The following RIBC2 variants were observed in gnomAD, a reference collection of about 807,000 sequenced individuals.
RIBC2 encodes the protein RIB43A-like with coiled-coils protein 2.
RIBC2 carries 40 observed loss-of-function variants against 44.3 expected under a neutral mutation model. The ratio of observed to expected loss-of-function variants is 0.90; its 90% CI spans 0.70 to 1.18. The LOEUF (loss-of-function observed/expected upper bound fraction) is 1.18. Among genes scored for constraint, RIBC2 ranks in the 50% most tolerant of loss-of-function variants. The probability of loss-of-function intolerance (pLI) is 0.00; values close to 1 mark genes in which losing one functional copy is unlikely to be tolerated. For synonymous variants in RIBC2, 171 were observed against 175.0 expected (o/e 0.98, Z 0.18); for missense variants, 459 against 485.5 (o/e 0.95, Z 0.51).
At position 45,432,397 on chromosome 22, in the gene RIBC2, T is replaced by G. The variant is rs1390462437; in HGVS notation, c.*35T>G. ...CACCCTTGTTCCCGTCATTCACGTA[T>G]AAAGAGTGGCTACCTTAAAGAGTCA... On this transcript the variant is annotated 3_prime_UTR_variant, in exon 7 of 7. Coordinates refer to ENST00000614167, the MANE Select transcript of RIBC2 (RefSeq NM_015653.5). 1.5e-6 allele frequency: 2 copies of G among 1,375,266 alleles called. No homozygotes were observed. Among genetic ancestry groups the G allele is most frequent in the South Asian group, 2.5e-5 (2 of 81,276 alleles). 85.2% of individuals were successfully genotyped at this position (1,375,266 alleles called of 1,614,324 possible).
chr22:45,417,357 T>G (rs2087434793), intron 2 of RIBC2, among the ~76,000 whole-genome samples: 1 of 152,160 alleles, frequency 6.6e-6, no homozygotes, highest in African/African-American at 2.4e-5. Context: ...AGGGTTGTAT[T>G]ACTTTTGCAA....
rs1344436328 is a variant in RIBC2, at chr22:45,417,904, C to A, written c.514C>A (p.Gln172Lys). 3.1e-6 allele frequency: 5 copies of A among 1,612,318 alleles called. No individual in the cohort carries two copies. Among genetic ancestry groups the A allele is most frequent in the African/African-American group, 1.3e-5 (1 of 74,784 alleles). ...AAACAGAGAATGGTCTTTGCAGCAG[C>A]AAAGGGAATGGAAGAACGCCCGTGC... The part of the protein sequence containing the change: ...EQNREWSLQQ[Q>K]REWKNARAEQ... Residue 172 changes from glutamine (Q) to lysine (K), a missense_variant, in exon 3 of 7, where the codon CAA becomes AAA. Transcript: ENST00000614167.
Position 45,417,896 on chromosome 22 carries a change from T to C in RIBC2, c.506T>C (p.Leu169Ser). ...FQEEQNREWS[L>S]QQQREWKNAR... The stretch of plus-strand genomic sequence containing the variant: ...GAGGAACAAAACAGAGAATGGTCTT[T>C]GCAGCAGCAAAGGGAATGGAAGAAC... Residue 169 changes from leucine to serine, a missense_variant, in exon 3 of 7, where the codon TTG (leucine) becomes TCG (serine). Physicochemically the swap from Leu to Ser is moderately radical, Grantham distance 145. Coordinates refer to ENST00000614167, the MANE Select transcript of RIBC2 (RefSeq NM_015653.5). 6.2e-7 allele frequency: 1 copy of C among 1,613,498 alleles called. No homozygotes were observed.
chr22:45,421,572 T>C, intron 3 of RIBC2, among the ~76,000 whole-genome samples: 1 of 132,414 alleles, frequency 7.6e-6, no homozygotes, highest in South Asian at 2.4e-4. Flanking sequence ...TTATTAATAA[T>C]AGTATTATTA....
chr22:45,425,598 C>G (rs1427294258), intron 4 of RIBC2, among the ~76,000 whole-genome samples: 2 of 152,206 alleles, frequency 1.3e-5, no homozygotes, highest in Admixed American at 6.5e-5. Context: ...CAAGGGTTGC[C>G]AGGGGCATAG....
chr22:45,421,574 GTATTATTAATAATAATAA>G (rs2087484048), intron 3 of RIBC2, among the ~76,000 whole-genome samples: 4 of 68,600 alleles, frequency 5.8e-5, no homozygotes, highest in Middle Eastern at 7.6e-3. Context: ...ATTAATAATA[GTATTATTAATAATAATAA>G]TAGTATTATT....
intron 4 of RIBC2, among the ~76,000 whole-genome samples, chr22:45,423,983 A>G (rs976395559): frequency 3.9e-5 from 6 of 152,202 alleles, no homozygotes. Flanking sequence ...AATTCAACCA[A>G]TGTTTATTGA....
intron 5 of RIBC2, 53 bp from the exon 6 acceptor site, chr22:45,430,847 G>C: frequency 6.7e-7 from 1 of 1,485,210 alleles, no homozygotes; most frequent in Non-Finnish European, 9.0e-7. Context: ...TAATCCCCTG[G>C]GGTTCTTTGG....
chr22:45,415,014 C>A (rs907991402), intron 2 of RIBC2, among the ~76,000 whole-genome samples: 5 of 151,994 alleles, frequency 3.3e-5, no homozygotes, highest in African/African-American at 1.2e-4. Flanking sequence ...ACCTTGAATA[C>A]TGTTATTCAA....
At chr22:45,431,437 C>T (rs2087579692) in intron 6 of RIBC2, among the ~76,000 whole-genome samples, 1 of 152,184 alleles carries the variant, frequency 6.6e-6, no homozygotes, top group East Asian at 1.9e-4. Context: ...CCCAGAAAAG[C>T]CTGGAGTCTC....
intron 5 of RIBC2, among the ~76,000 whole-genome samples, chr22:45,429,618 C>T (rs759735623): frequency 2.0e-5 from 3 of 152,030 alleles, no homozygotes; most frequent in Admixed American, 6.5e-5. Context: ...GCAGTGGGGC[C>T]GGGACCTGGG....
intron 5 of RIBC2, among the ~76,000 whole-genome samples, chr22:45,428,832 T>C (rs2087555059): frequency 6.6e-6 from 1 of 152,010 alleles, no homozygotes; most frequent in African/African-American, 2.4e-5. Context: ...GGTCACCCCA[T>C]AGGTCTGGGT....
At chr22:45,417,446 A>T (rs906122600) in intron 2 of RIBC2, among the ~76,000 whole-genome samples, 156 bp from the exon 3 acceptor site, 2 of 152,244 alleles carry the variant, frequency 1.3e-5, no homozygotes, top group African/African-American at 4.8e-5. Context: ...GTGACTCAGG[A>T]GGCTGAGGCA....
intron 6 of RIBC2, among the ~76,000 whole-genome samples, chr22:45,431,943 AC>A (rs2087584022): frequency 6.6e-6 from 1 of 152,234 alleles, no homozygotes; most frequent in African/African-American, 2.4e-5. Context: ...ACTGCACTCC[AC>A]CCTGGGTGGC....
intron 3 of RIBC2, among the ~76,000 whole-genome samples, chr22:45,421,556 A>C (rs868567740): frequency 2.9e-5 from 1 of 34,138 alleles, no homozygotes; most frequent in Non-Finnish European, 4.6e-5. Context: ...AATAATAATA[A>C]TAGTATTATT....
intron 3 of RIBC2, among the ~76,000 whole-genome samples, chr22:45,418,505 G>T (rs1320780619): frequency 6.6e-6 from 1 of 152,164 alleles, no homozygotes; most frequent in Non-Finnish European, 1.5e-5. Flanking sequence ...GAGGTCAGCA[G>T]CATTCTGCTC....
chr22:45,415,258 GA>G (rs994123509), intron 2 of RIBC2, among the ~76,000 whole-genome samples: 1 of 142,258 alleles, frequency 7.0e-6, no homozygotes, highest in Non-Finnish European at 1.5e-5. Context: ...TTTTATAATA[GA>G]AAAAAAAGCA....
At chr22:45,414,087 A>C in intron 1 of RIBC2, 72 bp downstream of exon 1, 1 of 1,535,694 alleles carries the variant, frequency 6.5e-7, no homozygotes, top group Non-Finnish European at 8.8e-7. Flanking sequence ...GGGGGAAAGG[A>C]GATGAGTTCT....
In RIBC2 at chr22:45,421,166, G is replaced by A. The variant is rs181900563; in HGVS notation, c.557-1124G>A. The stretch of plus-strand genomic sequence containing the variant: ...CAAAATTAGCTGGGCGTGGTGGTGC[G>A]CGCCTGTAATCTCAGCTACCCCGGA... On this transcript the variant is annotated intron_variant, in intron 3 of 6. Transcript: ENST00000614167. Among the ~76,000 whole-genome samples the A allele has an allele frequency of 4.5e-4, 68 of 151,934 alleles. 1 individual carries two copies. Among genetic ancestry groups the A allele is most frequent in the African/African-American group, 1.5e-3 (62 of 41,444 alleles).
Sources: allele counts gnomAD v4.1 joint callset (sites outside exome capture counted in the v4.1 genomes callset), GRCh38; gene constraint gnomAD v4.1.1; transcripts MANE v1.5; gene names NCBI Gene and HGNC (gene_info 2026-07-23, HGNC 2026-07-21).